The following TBCK variants were observed in gnomAD, a reference collection of about 807,000 sequenced individuals.
The protein encoded by TBCK is TBC1 domain containing kinase.
A neutral mutation model predicts 113.4 loss-of-function variants in TBCK; 99 were observed. The observed-to-expected ratio is 0.87, with a 90% confidence interval of 0.74 to 1.03. The LOEUF (loss-of-function observed/expected upper bound fraction) is 1.03, where lower values mean the gene tolerates loss of function less well. Among genes scored for constraint, TBCK ranks in the 50% least tolerant of loss-of-function variants. The pLI, the probability that TBCK is intolerant of heterozygous loss-of-function variation, is 0.00. For missense variants in TBCK, 1,045 were observed against 1,061.3 expected, an observed-to-expected ratio of 0.98 and a Z score of 0.21; for synonymous variants, 369 against 370.8, an observed-to-expected ratio of 1.00 and a Z score of 0.05.
intron 23 of TBCK, among the ~76,000 whole-genome samples, chr4:106,119,780 A>G (rs1352698243): frequency 1.3e-5 from 2 of 152,192 alleles, no homozygotes; most frequent in African/African-American, 4.8e-5. Flanking sequence ...GGGATTAATA[A>G]CCAGAATATA....
intron 20 of TBCK, among the ~76,000 whole-genome samples, chr4:106,206,765 G>A (rs968002437): frequency 6.6e-6 from 1 of 152,048 alleles, no homozygotes; most frequent in African/African-American, 2.4e-5. Context: ...GTTTAAACTC[G>A]GCTGAATATA....
intron 23 of TBCK, among the ~76,000 whole-genome samples, chr4:106,121,757 C>T (rs1744414881): frequency 6.6e-6 from 1 of 152,146 alleles, no homozygotes; most frequent in South Asian, 2.1e-4. Context: ...AACTGAACAA[C>T]CTGCTCCTGA....
chr4:106,248,786 G>C, intron 8 of TBCK, 135 bp downstream of exon 8: 2 of 655,596 alleles, frequency 3.1e-6, no homozygotes, highest in Non-Finnish European at 5.1e-6. Context: ...ACGACCAAAC[G>C]TACTGGTGCC....
At position 106,042,188 on chromosome 4, in the gene TBCK, GA is replaced by G. The variant is rs1429222141; in HGVS notation, c.*4381del. On this transcript the variant is annotated 3_prime_UTR_variant, in exon 26 of 26. Transcript: ENST00000394708. ...ATCTGATTTAATCAACATTTATCAA[GA>G]AAAATGCATTATTTGGTTAATAACA... 6.6e-6 allele frequency: 1 copy of G among 152,088 alleles called. No homozygotes were observed. The highest frequency in any genetic ancestry group is 2.4e-5 in the African/African-American group (1 of 41,418). 9.4% of individuals were successfully genotyped at this position (152,088 alleles called of 1,614,324 possible). A position where few individuals can be genotyped will look rare whatever the true frequency, so the allele number is the denominator to read the frequency against.
intron 24 of TBCK, among the ~76,000 whole-genome samples, chr4:106,110,870 A>C (rs1742767170): frequency 6.6e-6 from 1 of 152,168 alleles, no homozygotes. Context: ...CTCATCCAAA[A>C]AATTGGAAAA....
rs549353076 is a variant in TBCK at position 106,278,378 on chromosome 4, C to T, written c.267-16166G>A. 1.3e-4 allele frequency among the ~76,000 whole-genome samples: 20 copies of T among 151,582 alleles called. No individual in the cohort carries two copies. The East Asian group carries it at 3.9e-3, about 30-fold the overall frequency. ...TTAGAGACCAGTCCAAGCAACATGG[C>T]GAAACCCCATCTCTACTAAAAATAC... On this transcript the variant is annotated intron_variant, in intron 3 of 25. Transcript: ENST00000394708.
intron 23 of TBCK, among the ~76,000 whole-genome samples, chr4:106,124,386 T>C (rs1160693473): frequency 2.0e-5 from 3 of 152,116 alleles, no homozygotes; most frequent in Admixed American, 6.5e-5. Flanking sequence ...AATAGGGACA[T>C]TTTTACACTG....
At chr4:106,249,960 A>G (rs1761246442) in intron 7 of TBCK, among the ~76,000 whole-genome samples, 1 of 152,090 alleles carries the variant, frequency 6.6e-6, no homozygotes, top group Non-Finnish European at 1.5e-5. Context: ...TATTAATTTG[A>G]ATTATACATG....
intron 23 of TBCK, among the ~76,000 whole-genome samples, chr4:106,120,027 G>T (rs1744065998): frequency 6.6e-6 from 1 of 152,156 alleles, no homozygotes; most frequent in South Asian, 2.1e-4. Flanking sequence ...CAGAAGATGG[G>T]TGATTTCTGC....
chr4:106,248,917 A>C lies in TBCK; in HGVS notation c.720+4T>G. 1.2e-6 allele frequency: 2 copies of C among 1,602,022 alleles called. No individual in the cohort carries two copies. Among genetic ancestry groups the C allele is most frequent in the Non-Finnish European group, 1.7e-6 (2 of 1,175,990 alleles). On this transcript the variant is annotated splice_donor_region_variant and intron_variant, in intron 8 of 25. Coordinates refer to ENST00000394708, the MANE Select transcript of TBCK (RefSeq NM_001163435.3). ...ATGGACTAAGACCCAGATTAATGAC[A>C]AACCTTTATAATGTCCAAACAACCA... is the stretch of plus-strand genomic sequence containing the variant.
chr4:106,143,773 G>A (rs1199249084), intron 23 of TBCK, among the ~76,000 whole-genome samples: 2 of 152,090 alleles, frequency 1.3e-5, no homozygotes, highest in Non-Finnish European at 1.5e-5. Context: ...AATTAGCCGG[G>A]CATGGTGGTG....
intron 25 of TBCK, among the ~76,000 whole-genome samples, chr4:106,086,205 AAG>A (rs953338971): frequency 6.6e-6 from 1 of 152,220 alleles, no homozygotes; most frequent in African/African-American, 2.4e-5. Flanking sequence ...AATGAAGAAA[AAG>A]AGAGAAGAAT....
At chr4:106,238,675 TAGA>T (rs1202164874) in intron 12 of TBCK, 1 of 152,108 alleles carries the variant, frequency 6.6e-6, no homozygotes, top group African/African-American at 2.4e-5. Context: ...ATAAACAGCT[TAGA>T]AGGCATCATT....
chr4:106,298,787 C>T (rs1766602873), intron 2 of TBCK, among the ~76,000 whole-genome samples: 1 of 152,176 alleles, frequency 6.6e-6, no homozygotes, highest in African/African-American at 2.4e-5. Flanking sequence ...ACGCCTCAAA[C>T]TACAAAATTA....
intron 23 of TBCK, among the ~76,000 whole-genome samples, chr4:106,151,243 C>T (rs1748450376): frequency 6.6e-6 from 1 of 151,850 alleles, no homozygotes. Flanking sequence ...TGTACAATTA[C>T]ATTACTTTTG....
At chr4:106,202,908 G>T (rs1469191622) in intron 20 of TBCK, among the ~76,000 whole-genome samples, 1 of 151,950 alleles carries the variant, frequency 6.6e-6, no homozygotes, top group Admixed American at 6.6e-5. Context: ...TGATATTTGT[G>T]CACCAAAATT....
intron 23 of TBCK, among the ~76,000 whole-genome samples, chr4:106,122,530 C>A (rs970370856): frequency 6.6e-6 from 1 of 152,278 alleles, no homozygotes; most frequent in South Asian, 2.1e-4. Context: ...TTTTATGAGG[C>A]CAGCATCATC....
chr4:106,083,077 G>A (rs1037770000), intron 25 of TBCK, among the ~76,000 whole-genome samples: 1 of 152,250 alleles, frequency 6.6e-6, no homozygotes, highest in African/African-American at 2.4e-5. Context: ...CTCTTGCGGG[G>A]AGAGGCGACC....
intron 15 of TBCK, 147 bp from the exon 16 acceptor site, chr4:106,233,797 T>C (rs1759148247): frequency 1.7e-6 from 1 of 601,996 alleles, no homozygotes; most frequent in Admixed American, 3.1e-5. Context: ...GAACTCATCT[T>C]AAGAGAAATT....
Sources: allele counts gnomAD v4.1 joint callset (sites outside exome capture counted in the v4.1 genomes callset), GRCh38; gene constraint gnomAD v4.1.1; transcripts MANE v1.5; gene names NCBI Gene and HGNC (gene_info 2026-07-23, HGNC 2026-07-21).